Variants in CD84 observed in about 807,000 individuals in gnomAD.
CD84 encodes the protein SLAM family member 5.
In CD84, 22 loss-of-function variants were observed where a neutral mutation model predicts 33.8. That is an observed-to-expected ratio of 0.65 (90% CI 0.46 to 0.93). CD84 has a LOEUF of 0.93. CD84 is among the 40% of genes least tolerant of loss of function. CD84 has a pLI of 0.00. For missense variants in CD84, 400 were observed against 397.6 expected (o/e 1.01, Z -0.05); for synonymous variants, 154 against 145.2 (o/e 1.06, Z -0.44).
At chr1:160,549,249 T>C (rs1656024324) in intron 6 of CD84, among the ~76,000 whole-genome samples, 1 of 152,160 alleles carries the variant, frequency 6.6e-6, no homozygotes, top group Non-Finnish European at 1.5e-5. Context: ...GCTTCCTGCT[T>C]GGTAACTCAG....
chr1:160,555,859 G>A (rs1557973622), intron 2 of CD84, among the ~76,000 whole-genome samples: 1 of 152,196 alleles, frequency 6.6e-6, no homozygotes, highest in South Asian at 2.1e-4. Flanking sequence ...ACAGTAAGAA[G>A]CTGTAAAAAT....
At chr1:160,568,873 A>T (rs1363876241) in intron 1 of CD84, among the ~76,000 whole-genome samples, 1 of 152,142 alleles carries the variant, frequency 6.6e-6, no homozygotes, top group African/African-American at 2.4e-5. Context: ...TGCCCGCCTC[A>T]GCCTCCCAAA....
intron 6 of CD84, among the ~76,000 whole-genome samples, chr1:160,549,137 T>C (rs902449114): frequency 2.6e-5 from 4 of 152,166 alleles, no homozygotes; most frequent in African/African-American, 9.7e-5. Flanking sequence ...TGCCCTGTGC[T>C]TCAAGTCCTC....
rs539457004 is a variant in CD84 at position 160,543,202 on chromosome 1, G to A, written c.*5054C>T. On this transcript the variant is annotated 3_prime_UTR_variant, in exon 7 of 7. Coordinates refer to ENST00000368054, the MANE Select transcript of CD84 (RefSeq NM_003874.4). ...ATATATTTACTTTGAGCTGCTTTTAGTACCTTAAAATATTACTATATGCAA... is the reference window on the plus strand; with the variant it reads ...ATATATTTACTTTGAGCTGCTTTTAATACCTTAAAATATTACTATATGCAA... The A allele has an allele frequency of 1.9e-4, 29 of 152,194 alleles. No homozygotes were observed. The highest frequency in any genetic ancestry group is 7.0e-4 in the African/African-American group (29 of 41,508). The allele number at this position is 152,194 out of a possible 1,614,324, so 9.4% of individuals were successfully genotyped here. A position where few individuals can be genotyped will look rare whatever the true frequency, so the allele number is the denominator to read the frequency against.
chr1:160,578,591 T>C (rs1658115590), intron 1 of CD84, among the ~76,000 whole-genome samples: 1 of 152,206 alleles, frequency 6.6e-6, no homozygotes, highest in African/African-American at 2.4e-5. Context: ...GAAGTAGATC[T>C]AGAAGTTCCA....
chr1:160,573,236 G>A (rs12402351), intron 1 of CD84, among the ~76,000 whole-genome samples: 3 of 152,154 alleles, frequency 2.0e-5, no homozygotes, highest in Non-Finnish European at 2.9e-5. Context: ...TAACTCATGA[G>A]AGGAAAATTC....
In CD84 at chr1:160,547,999, A is replaced by G. The variant is rs926290441; in HGVS notation, c.*257T>C. 19 of 514,010 alleles carry G rather than the reference A, an allele frequency of 3.7e-5. No individual in the cohort carries two copies. Among genetic ancestry groups the G allele is most frequent in the African/African-American group, 3.5e-4 (18 of 51,914 alleles). The allele number at this position is 514,010 out of a possible 1,614,324, so 31.8% of individuals were successfully genotyped here. A position where few individuals can be genotyped will look rare whatever the true frequency, so the allele number is the denominator to read the frequency against. On this transcript the variant is annotated 3_prime_UTR_variant, in exon 7 of 7. Coordinates refer to ENST00000368054, the MANE Select transcript of CD84 (RefSeq NM_003874.4). Reference sequence around the variant, plus strand: ...TTTCTACATGTGCTATGATGGGAAGAAGTTTGGGAAAACTATACTAGGTAA... The same window carrying G: ...TTTCTACATGTGCTATGATGGGAAGGAGTTTGGGAAAACTATACTAGGTAA...
At chr1:160,574,129 C>CT (rs35717679) in intron 1 of CD84, among the ~76,000 whole-genome samples, 153 of 142,642 alleles carry the variant, frequency 1.1e-3, no homozygotes, top group Admixed American at 4.2e-3. Context: ...AAAAACAAAG[C>CT]TTTTTTTTTT....
chr1:160,550,537 T>C, intron 5 of CD84: 2 of 788,720 alleles, frequency 2.5e-6, no homozygotes, highest in Non-Finnish European at 3.1e-6. Context: ...AGGGAACTTG[T>C]CTGTCAGTTC....
chr1:160,576,339 T>C (rs1369019147), intron 1 of CD84, among the ~76,000 whole-genome samples: 1 of 152,204 alleles, frequency 6.6e-6, no homozygotes, highest in Non-Finnish European at 1.5e-5. Flanking sequence ...TTTATTTGTT[T>C]AAAGAAACTA....
At chr1:160,549,830 C>T (rs1656079038) in intron 6 of CD84, 87 bp downstream of exon 6, 1 of 994,418 alleles carries the variant, frequency 1.0e-6, no homozygotes, top group Admixed American at 1.7e-5. Flanking sequence ...CCAGGGGAAC[C>T]AGCTAGCCCC....
chr1:160,553,656 A>G (rs535476417), intron 3 of CD84, 159 bp from the exon 4 acceptor site: 6 of 1,004,874 alleles, frequency 6.0e-6, no homozygotes, highest in Non-Finnish European at 8.8e-6. Context: ...AAAAGCCAGG[A>G]TGAGAAATTG....
At position 160,544,304 on chromosome 1, in the gene CD84, C is replaced by G. The variant is rs1452876068; in HGVS notation, c.*3952G>C. On this transcript the variant is annotated 3_prime_UTR_variant, in exon 7 of 7. Coordinates refer to ENST00000368054, the MANE Select transcript of CD84 (RefSeq NM_003874.4). The stretch of plus-strand genomic sequence containing the variant: ...AGCTGGGACTACAGGCACGTGCCAC[C>G]ATGCCCGGCTAATTTTTTTGTATTT... 6.6e-6 allele frequency: 1 copy of G among 151,972 alleles called. No individual in the cohort carries two copies. The highest frequency in any genetic ancestry group is 1.5e-5 in the Non-Finnish European group (1 of 68,032). The allele number at this position is 151,972 out of a possible 1,614,324, so 9.4% of individuals were successfully genotyped here. A position where few individuals can be genotyped will look rare whatever the true frequency, so the allele number is the denominator to read the frequency against.
chr1:160,548,473 T>C, intron 6 of CD84, 152 bp from the exon 7 acceptor site: 1 of 741,238 alleles, frequency 1.3e-6, no homozygotes, highest in Non-Finnish European at 2.3e-6. Context: ...CAGGGCCTTG[T>C]TCTTTGCTGA....
At chr1:160,563,487 A>G (rs1657123162) in intron 2 of CD84, among the ~76,000 whole-genome samples, 2 of 152,220 alleles carry the variant, frequency 1.3e-5, no homozygotes, top group African/African-American at 4.8e-5. Context: ...TCAGCAAACT[A>G]ATGCAGGAAC....
chr1:160,577,738 A>G (rs933330240), intron 1 of CD84, among the ~76,000 whole-genome samples: 2 of 152,352 alleles, frequency 1.3e-5, no homozygotes, highest in Middle Eastern at 3.4e-3. Context: ...ATATTCAGGT[A>G]CCATGGCAAG....
chr1:160,566,945 C>T (rs1657366838), intron 1 of CD84, among the ~76,000 whole-genome samples: 1 of 152,136 alleles, frequency 6.6e-6, no homozygotes, highest in Non-Finnish European at 1.5e-5. Context: ...TATTTTTCTG[C>T]TCTTTCTCCT....
At chr1:160,571,929 G>A (rs1657719328) in intron 1 of CD84, among the ~76,000 whole-genome samples, 1 of 152,200 alleles carries the variant, frequency 6.6e-6, no homozygotes, top group Non-Finnish European at 1.5e-5. Context: ...TGGAACAAAA[G>A]ATGGAAAGGA....
At chr1:160,559,260 A>G (rs1571361903) in intron 2 of CD84, among the ~76,000 whole-genome samples, 1 of 152,216 alleles carries the variant, frequency 6.6e-6, no homozygotes, top group South Asian at 2.1e-4. Context: ...AAAGGGAAGC[A>G]CATCAGACTA....
Sources: allele counts gnomAD v4.1 joint callset (sites outside exome capture counted in the v4.1 genomes callset), GRCh38; gene constraint gnomAD v4.1.1; transcripts MANE v1.5; gene names NCBI Gene and HGNC (gene_info 2026-07-23, HGNC 2026-07-21).